PM20D1: variants seen among roughly 807,000 people sequenced by gnomAD.
The protein encoded by PM20D1 is peptidase M20 domain containing 1, also known as N-fatty-acyl-amino acid synthase/hydrolase PM20D1.
Under a neutral mutation model 53.8 loss-of-function variants are expected in PM20D1, and 53 were observed. That is an observed-to-expected ratio of 0.98 (90% CI 0.79 to 1.24). PM20D1 has a LOEUF of 1.24. PM20D1 is among the 50% of genes most tolerant of loss of function. PM20D1 has a pLI of 0.00. For missense variants in PM20D1, 564 were observed against 616.8 expected, an observed-to-expected ratio of 0.91 and a Z score of 0.91; for synonymous variants, 239 against 241.3, an observed-to-expected ratio of 0.99 and a Z score of 0.09.
At chr1:205,829,415 T>C (rs545685140) in intron 12 of PM20D1, among the ~76,000 whole-genome samples, 1 of 152,256 alleles carries the variant, frequency 6.6e-6, no homozygotes, top group African/African-American at 2.4e-5. Context: ...TCCCACTTAC[T>C]AGGGCTAAGA....
At chr1:205,835,670 A>G (rs1656669780) in intron 10 of PM20D1, among the ~76,000 whole-genome samples, 1 of 150,746 alleles carries the variant, frequency 6.6e-6, no homozygotes, top group Non-Finnish European at 1.5e-5. Context: ...AAAAAAAAAA[A>G]AAAAAAGGTG....
intron 10 of PM20D1, among the ~76,000 whole-genome samples, chr1:205,833,309 A>C (rs1466783436): frequency 6.6e-6 from 1 of 152,256 alleles, no homozygotes; most frequent in African/African-American, 2.4e-5. Flanking sequence ...GCTGGATGAA[A>C]GTGTCGAAGA....
intron 10 of PM20D1, among the ~76,000 whole-genome samples, chr1:205,834,098 T>C (rs1483541551): frequency 6.6e-6 from 1 of 151,478 alleles, no homozygotes; most frequent in Non-Finnish European, 1.5e-5. Context: ...TCTGCCCGCC[T>C]TGGCCTCCCA....
intron 3 of PM20D1, 37 bp from the exon 4 acceptor site, chr1:205,844,934 GT>G: frequency 6.4e-7 from 1 of 1,568,144 alleles, no homozygotes; most frequent in Non-Finnish European, 8.8e-7. Flanking sequence ...GGAAAAAGAC[GT>G]TATTTAGGTG....
chr1:205,834,328 G>A (rs1313938120), intron 10 of PM20D1, among the ~76,000 whole-genome samples: 2 of 152,094 alleles, frequency 1.3e-5, no homozygotes, highest in Admixed American at 6.6e-5. Context: ...GCTAATTTTT[G>A]TATTTTTAGT....
Position 205,843,747 on chromosome 1 carries a change from CA to C in PM20D1, c.746del (p.Leu249ArgfsTer3), listed in dbSNP as rs1656872730. ...VSEKGSMNLMLQVNMTSGHSS... is the reference protein window; with the variant it reads ...VSEKGSMNLMXQVNMTSGHSS... ...AGTGGCCTGAAGTCATGTTTACTTG[CA>C]GCATGAGGTTCATGGAACCCTTCTC... On this transcript the variant is annotated frameshift_variant, in exon 6 of 13. Transcript: ENST00000367136. LOFTEE classifies it high-confidence loss of function. The C allele has an allele frequency of 1.2e-5, 19 of 1,614,090 alleles. No individual in the cohort carries two copies. In the East Asian group the frequency reaches 4.0e-4, roughly 34 times the overall value.
intron 11 of PM20D1, among the ~76,000 whole-genome samples, chr1:205,831,572 T>C (rs1656562280): frequency 6.6e-6 from 1 of 151,420 alleles, no homozygotes; most frequent in Non-Finnish European, 1.5e-5. Context: ...TCTCCTTTTT[T>C]TTTTTTTTTT....
chr1:205,844,110 A>T lies in PM20D1; in HGVS notation c.684T>A (p.Pro228=), dbSNP rs748613725. Residue 228 remains proline (P), a synonymous_variant, in exon 5 of 13, where the codon CCT becomes CCA. Coordinates refer to ENST00000367136, the MANE Select transcript of PM20D1 (RefSeq NM_152491.5). ...ACAAGGCGATGGGCTTCTTGAAGTT[A>T]GGAATGAAATCATCCAAGATGAAGC... The part of the protein sequence containing the change: ...EGGFILDDFI[P]NFKKPIALIA... 3 of 1,613,422 alleles carry T rather than the reference A, an allele frequency of 1.9e-6. No individual in the cohort carries two copies. Among genetic ancestry groups the T allele is most frequent in the Non-Finnish European group, 2.5e-6 (3 of 1,179,728 alleles).
intron 6 of PM20D1, 93 bp from the exon 7 acceptor site, chr1:205,842,844 A>C: frequency 8.7e-7 from 1 of 1,151,196 alleles, no homozygotes; most frequent in Non-Finnish European, 1.3e-6. Flanking sequence ...AGGAAGTTTC[A>C]ACGCTCCTGG....
At position 205,832,729 on chromosome 1, in the gene PM20D1, CTG is replaced by C. The variant is rs1656589095; in HGVS notation, c.1152_1153del (p.Asn384LysfsTer11). 1.2e-6 allele frequency: 2 copies of C among 1,610,996 alleles called. No homozygotes were observed. The highest frequency in any genetic ancestry group is 1.3e-5 in the African/African-American group (1 of 74,814). ...GGCACTCAACACATGGAACTGGACTCTGTTATCAGCCACAATGTTCTTCGTGA... is the reference window on the plus strand; with the variant it reads ...GGCACTCAACACATGGAACTGGACTCTTATCAGCCACAATGTTCTTCGTGA... On this transcript the variant is annotated frameshift_variant, in exon 11 of 13. Transcript: ENST00000367136. LOFTEE classifies it high-confidence loss of function.
At chr1:205,844,269 C>T in intron 4 of PM20D1, 52 bp from the exon 5 acceptor site, 1 of 1,526,172 alleles carries the variant, frequency 6.6e-7, no homozygotes, top group African/African-American at 1.4e-5. Context: ...AGACAGACCT[C>T]CAGACATAGC....
chr1:205,844,709 C>T (rs1656905564), intron 4 of PM20D1, 102 bp downstream of exon 4: 1 of 1,037,910 alleles, frequency 9.6e-7, no homozygotes, highest in African/African-American at 1.6e-5. Flanking sequence ...ACTACCGTAT[C>T]ATGGAGACCT....
chr1:205,831,561 C>G (rs1402675433), intron 11 of PM20D1, among the ~76,000 whole-genome samples: 1 of 130,782 alleles, frequency 7.6e-6, no homozygotes, highest in African/African-American at 2.9e-5. Flanking sequence ...AGCAACGTCT[C>G]TCTCCTTTTT....
Position 205,841,907 on chromosome 1 carries a change from A to G in PM20D1, c.966-18T>C. ...CCATAAACCTAAAACAAAAGGACCA[A>G]GGTCAGATGTTAGAAAGAACCAATG... On this transcript the variant is annotated intron_variant, in intron 8 of 12. Coordinates refer to ENST00000367136, the MANE Select transcript of PM20D1 (RefSeq NM_152491.5). The G allele has an allele frequency of 6.4e-7, 1 of 1,551,776 alleles. No individual in the cohort carries two copies. Among genetic ancestry groups the G allele is most frequent in the Non-Finnish European group, 8.7e-7 (1 of 1,145,296 alleles).
chr1:205,843,809 A>C (rs202086636), intron 5 of PM20D1, 23 bp from the exon 6 acceptor site: 2 of 1,608,438 alleles, frequency 1.2e-6, no homozygotes, highest in African/African-American at 2.7e-5. Flanking sequence ...ATCGGAAACC[A>C]CTCTCCTGAC....
At chr1:205,830,434 A>G in intron 11 of PM20D1, 55 bp from the exon 12 acceptor site, 1 of 1,330,442 alleles carries the variant, frequency 7.5e-7, no homozygotes, top group Non-Finnish European at 1.1e-6. Flanking sequence ...CAAACCAGCG[A>G]AGTGGCTGGG....
chr1:205,828,749 G>T lies in PM20D1; in HGVS notation c.1386-6C>A. 1 of 1,613,878 alleles carries T rather than the reference G, an allele frequency of 6.2e-7. No homozygotes were observed. The highest frequency in any genetic ancestry group is 1.1e-5 in the South Asian group (1 of 91,070). ...TCTCGTTGACTCCATGGATGCTGAG[G>T]AAAGTAAGGTGCATTTAGGGAAGGA... On this transcript the variant is annotated splice_region_variant and splice_polypyrimidine_tract_variant and intron_variant, in intron 12 of 12. Coordinates refer to ENST00000367136, the MANE Select transcript of PM20D1 (RefSeq NM_152491.5).
chr1:205,828,545 A>G lies in PM20D1; in HGVS notation c.*75T>C. The stretch of plus-strand genomic sequence containing the variant: ...CAATGTGGTTTTGATCAAAAGTTTC[A>G]TCAACACTAGCTTTCCCCCTTGGGT... On this transcript the variant is annotated 3_prime_UTR_variant, in exon 13 of 13. Coordinates refer to ENST00000367136, the MANE Select transcript of PM20D1 (RefSeq NM_152491.5). 2 of 1,575,786 alleles carry G rather than the reference A, an allele frequency of 1.3e-6. No homozygotes were observed. Among genetic ancestry groups the G allele is most frequent in the South Asian group, 2.3e-5 (2 of 86,908 alleles).
intron 10 of PM20D1, 139 bp from the exon 11 acceptor site, chr1:205,832,905 G>T: frequency 1.0e-6 from 1 of 974,364 alleles, no homozygotes; most frequent in Non-Finnish European, 1.4e-6. Flanking sequence ...TTAAGCACTG[G>T]GACTTCAATT....
Sources: allele counts gnomAD v4.1 joint callset (sites outside exome capture counted in the v4.1 genomes callset), GRCh38; gene constraint gnomAD v4.1.1; transcripts MANE v1.5; gene names NCBI Gene and HGNC (gene_info 2026-07-23, HGNC 2026-07-21).